The following LRRIQ1 variants were observed in gnomAD, a reference collection of about 807,000 sequenced individuals.
LRRIQ1 encodes the protein leucine rich repeats and IQ motif containing 1.
LRRIQ1 carries 210 observed loss-of-function variants against 211.9 expected under a neutral mutation model. That is an observed-to-expected ratio of 0.99 (90% CI 0.89 to 1.11). The LOEUF is 1.11. Among genes scored for constraint, LRRIQ1 ranks in the 50% most tolerant of loss-of-function variants. The probability of loss-of-function intolerance (pLI) is 0.00; values close to 1 mark genes in which losing one functional copy is unlikely to be tolerated. For synonymous variants in LRRIQ1, 699 were observed against 650.1 expected, an observed-to-expected ratio of 1.08 and a Z score of -1.14; for missense variants, 2,136 against 1,939.5, an observed-to-expected ratio of 1.10 and a Z score of -1.90.
chr12:85,190,019 TTTAA>T, intron 24 of LRRIQ1, among the ~76,000 whole-genome samples: 1 of 141,948 alleles, frequency 7.0e-6, no homozygotes, highest in East Asian at 2.1e-4. Context: ...ATGTTATAAT[TTTAA>T]TTATATATAA....
intron 24 of LRRIQ1, among the ~76,000 whole-genome samples, chr12:85,223,397 A>T (rs996762705): frequency 1.2e-4 from 18 of 152,186 alleles, no homozygotes; most frequent in Admixed American, 9.8e-4. Context: ...GAGTTGTAAG[A>T]CAAAGGAAGT....
At chr12:85,064,656 G>T (rs1226554001) in intron 8 of LRRIQ1, among the ~76,000 whole-genome samples, 2 of 151,600 alleles carry the variant, frequency 1.3e-5, no homozygotes, top group Admixed American at 6.6e-5. Context: ...TCATAGTTTG[G>T]GGTCTTAGAT....
chr12:85,261,853 G>A (rs918326767), intron 1 of LRRIQ1, among the ~76,000 whole-genome samples: 7 of 151,548 alleles, frequency 4.6e-5, no homozygotes, highest in Non-Finnish European at 1.0e-4. Context: ...GCAATGGCAC[G>A]ATCTCGGCTC....
At chr12:85,131,909 A>G (rs1299784025) in intron 18 of LRRIQ1, among the ~76,000 whole-genome samples, 4 of 152,180 alleles carry the variant, frequency 2.6e-5, no homozygotes, top group Non-Finnish European at 4.4e-5. Flanking sequence ...TAGAAGAAGA[A>G]TATGAATATT....
At chr12:85,086,091 A>G (rs989057329) in intron 11 of LRRIQ1, among the ~76,000 whole-genome samples, 1 of 152,142 alleles carries the variant, frequency 6.6e-6, no homozygotes, top group African/African-American at 2.4e-5. Context: ...CCTCTCCAAC[A>G]TCTGTTATTT....
intron 17 of LRRIQ1, 28 bp downstream of exon 17, chr12:85,124,547 A>G (rs1327573999): frequency 1.3e-6 from 2 of 1,533,232 alleles, no homozygotes; most frequent in South Asian, 1.1e-5. Context: ...TGTTTCTTTT[A>G]TAGATGTATG....
chr12:85,109,755 A>C (rs546940846), intron 15 of LRRIQ1, among the ~76,000 whole-genome samples: 1 of 152,148 alleles, frequency 6.6e-6, no homozygotes, highest in Non-Finnish European at 1.5e-5. Context: ...GATATATACT[A>C]AAGTTTGAAA....
At chr12:85,182,562 T>A (rs1565888691) in intron 24 of LRRIQ1, among the ~76,000 whole-genome samples, 2 of 152,130 alleles carry the variant, frequency 1.3e-5, no homozygotes, top group African/African-American at 4.8e-5. Context: ...TGAAATGCTT[T>A]AAAAAATTAT....
chr12:85,086,293 C>G (rs1336029714), intron 11 of LRRIQ1, among the ~76,000 whole-genome samples: 1 of 152,030 alleles, frequency 6.6e-6, no homozygotes, highest in Non-Finnish European at 1.5e-5. Flanking sequence ...ATCCTCAGTG[C>G]TGGAGGTGGG....
intron 1 of LRRIQ1, among the ~76,000 whole-genome samples, chr12:85,256,225 C>A (rs2137317340): frequency 6.6e-6 from 1 of 151,706 alleles, no homozygotes; most frequent in East Asian, 1.9e-4. Flanking sequence ...TACATTTATT[C>A]TTTATTAAAA....
intron 18 of LRRIQ1, among the ~76,000 whole-genome samples, chr12:85,135,272 TTC>T (rs1889042718): frequency 6.6e-6 from 1 of 151,972 alleles, no homozygotes; most frequent in Non-Finnish European, 1.5e-5. Context: ...TCTCCTGGTT[TTC>T]TGTAAATTGA....
intron 19 of LRRIQ1, among the ~76,000 whole-genome samples, chr12:85,145,365 C>A (rs1396916558): frequency 6.6e-6 from 1 of 151,596 alleles, no homozygotes; most frequent in Non-Finnish European, 1.5e-5. Flanking sequence ...TTTGTTGCCT[C>A]TCTGAAATGT....
chr12:85,175,798 C>A (rs1182041948), intron 24 of LRRIQ1, among the ~76,000 whole-genome samples: 3 of 152,072 alleles, frequency 2.0e-5, no homozygotes, highest in Admixed American at 2.0e-4. Flanking sequence ...TTAGGTTTGT[C>A]AAAGATCAGA....
chr12:85,195,452 A>T (rs576329256), intron 24 of LRRIQ1, among the ~76,000 whole-genome samples: 1 of 151,962 alleles, frequency 6.6e-6, no homozygotes, highest in South Asian at 2.1e-4. Flanking sequence ...CGAATCCAGC[A>T]GCACATCAAA....
intron 1 of LRRIQ1, among the ~76,000 whole-genome samples, chr12:85,250,797 T>C (rs1895887314): frequency 8.2e-6 from 1 of 122,362 alleles, no homozygotes; most frequent in Non-Finnish European, 1.6e-5. Flanking sequence ...ATATTATAGA[T>C]TATATATTAT....
chr12:85,226,782 G>T (rs1423887297), intron 24 of LRRIQ1, among the ~76,000 whole-genome samples: 3 of 147,630 alleles, frequency 2.0e-5, no homozygotes, highest in Non-Finnish European at 4.4e-5. Context: ...TGCGGTGTTT[G>T]GTTTTCTGTC....
At chr12:85,215,495 C>T (rs1894037103) in intron 24 of LRRIQ1, among the ~76,000 whole-genome samples, 1 of 152,120 alleles carries the variant, frequency 6.6e-6, no homozygotes, top group African/African-American at 2.4e-5. Context: ...GATCTTCTCC[C>T]TCTACCCACC....
chr12:85,165,723 C>T (rs985000351), intron 24 of LRRIQ1, among the ~76,000 whole-genome samples: 14 of 152,066 alleles, frequency 9.2e-5, no homozygotes, highest in African/African-American at 3.4e-4. Context: ...CCCGCCTTGG[C>T]CTCCCAAAGT....
chr12:85,073,082 C>T lies in LRRIQ1; in HGVS notation c.2871C>T (p.Ser957=). 1 of 1,600,280 alleles carries T rather than the reference C, an allele frequency of 6.2e-7. No individual in the cohort carries two copies. The highest frequency in any genetic ancestry group is 2.2e-5 in the East Asian group (1 of 44,488). The change falls in exon 11 of 27, where the codon TCC becomes TCT. Residue 957 remains serine, a synonymous_variant. Transcript: ENST00000393217. Reference sequence around the variant, plus strand: ...ATTCAGATTGTAATTTCCTTATCTCCCACTTATACTGGAATTGTAAGTTGT... The same window carrying T: ...ATTCAGATTGTAATTTCCTTATCTCTCACTTATACTGGAATTGTAAGTTGT... The part of the protein sequence containing the change: ...TKNSDCNFLI[S]HLYWNCGLES...
Sources: gnomAD v4.1 joint callset for allele counts (sites outside exome capture counted in the v4.1 genomes callset) on GRCh38, gnomAD v4.1.1 for gene constraint, MANE v1.5 for transcripts, NCBI Gene and HGNC (gene_info 2026-07-23, HGNC 2026-07-21) for gene names.